PHTF2: variants seen among roughly 807,000 people sequenced by gnomAD.
PHTF2 encodes the protein protein PHTF2.
Under a neutral mutation model 101.2 loss-of-function variants are expected in PHTF2, and 60 were observed. The ratio of observed to expected loss-of-function variants is 0.59; its 90% CI spans 0.48 to 0.73. The LOEUF is 0.73. Among genes scored for constraint, PHTF2 ranks in the 30% least tolerant of loss-of-function variants. The pLI is 0.00. For synonymous variants in PHTF2, 311 were observed against 307.3 expected, an observed-to-expected ratio of 1.01 and a Z score of -0.13; for missense variants, 747 against 908.7, an observed-to-expected ratio of 0.82 and a Z score of 2.29.
chr7:77,890,599 C>CTTTTTTTTTTTTTT (rs747882978), intron 3 of PHTF2, among the ~76,000 whole-genome samples: 2 of 84,208 alleles, frequency 2.4e-5, no homozygotes, highest in African/African-American at 9.8e-5. Flanking sequence ...AATAGTTACA[C>CTTTTTTTTTTTTTT]TTTTTTTTTT....
intron 12 of PHTF2, among the ~76,000 whole-genome samples, chr7:77,937,036 TCAGGAGGCTGAGTGC>T (rs1296971082): frequency 1.3e-5 from 2 of 151,842 alleles, no homozygotes; most frequent in Non-Finnish European, 2.9e-5. Flanking sequence ...TCCGAGCTAC[TCAGGAGGCTGAGTGC>T]TTCAGTTTTG....
At position 77,910,233 on chromosome 7, in the gene PHTF2, C is replaced by T; in HGVS notation, c.612-12C>T. 3 of 1,608,384 alleles carry T rather than the reference C, an allele frequency of 1.9e-6. No homozygotes were observed. Among genetic ancestry groups the T allele is most frequent in the Non-Finnish European group, 2.5e-6 (3 of 1,177,294 alleles). On this transcript the variant is annotated splice_polypyrimidine_tract_variant and intron_variant, in intron 8 of 19. Coordinates refer to ENST00000416283, the Ensembl canonical transcript of PHTF2. ...TAAAGCTGCCTTCCATTCTTAATCT[C>T]TTCTGATGAAGGAAATTAAGAAAAG...
intron 2 of PHTF2, among the ~76,000 whole-genome samples, chr7:77,849,168 G>A (rs1796539173): frequency 6.6e-6 from 1 of 151,980 alleles, no homozygotes; most frequent in South Asian, 2.1e-4. Context: ...CTGTCGCCCA[G>A]GCTGGAATGT....
In PHTF2 at chr7:77,901,886, CT is replaced by C; in HGVS notation, c.416del (p.Phe139SerfsTer14). Reference sequence around the variant, plus strand: ...GGTTACAAGTAACATCAAAGGTCATCTTTTTCTGGCTTCTTGTCCTTTATCT... The same window carrying C: ...GGTTACAAGTAACATCAAAGGTCATCTTTTCTGGCTTCTTGTCCTTTATCT... On this transcript the variant is annotated frameshift_variant, in exon 7 of 20. Transcript: ENST00000416283. LOFTEE classifies it high-confidence loss of function. The C allele has an allele frequency of 6.3e-7, 1 of 1,596,368 alleles. No individual in the cohort carries two copies. Among genetic ancestry groups the C allele is most frequent in the Non-Finnish European group, 8.5e-7 (1 of 1,170,880 alleles).
At chr7:77,948,545 A>G (rs1401767006) in intron 16 of PHTF2, among the ~76,000 whole-genome samples, 2 of 152,212 alleles carry the variant, frequency 1.3e-5, no homozygotes, top group African/African-American at 2.4e-5. Flanking sequence ...AATGACTTAA[A>G]TAGGATTGTT....
chr7:77,956,536 G>A (rs1001276886), exon 20 of PHTF2: 1 of 152,536 alleles, frequency 6.6e-6, no homozygotes, highest in Non-Finnish European at 1.5e-5. Context: ...TTCAAGGAAT[G>A]TAATACTGGA....
intron 1 of PHTF2, among the ~76,000 whole-genome samples, chr7:77,839,877 T>C (rs1188567924): frequency 1.3e-5 from 2 of 152,200 alleles, no homozygotes; most frequent in African/African-American, 4.8e-5. Context: ...ACATTACTGA[T>C]TGAATGAATT....
At chr7:77,865,453 C>T (rs1162361751) in intron 3 of PHTF2, among the ~76,000 whole-genome samples, 1 of 152,134 alleles carries the variant, frequency 6.6e-6, no homozygotes, top group Non-Finnish European at 1.5e-5. Flanking sequence ...TCTCAAACTC[C>T]TGACCTCATG....
chr7:77,905,472 T>C (rs912400674), intron 7 of PHTF2, among the ~76,000 whole-genome samples: 1 of 151,718 alleles, frequency 6.6e-6, no homozygotes, highest in Admixed American at 6.6e-5. Flanking sequence ...CCTCAAGTAA[T>C]CCTCCCACTT....
intron 16 of PHTF2, among the ~76,000 whole-genome samples, chr7:77,943,793 G>A (rs1001950656): frequency 6.6e-6 from 1 of 151,990 alleles, no homozygotes; most frequent in Non-Finnish European, 1.5e-5. Flanking sequence ...CAAGGAGTGC[G>A]GATCACCTGA....
At chr7:77,881,489 T>G (rs896240198) in intron 3 of PHTF2, among the ~76,000 whole-genome samples, 1 of 151,952 alleles carries the variant, frequency 6.6e-6, no homozygotes, top group African/African-American at 2.4e-5. Context: ...CCATAATTCT[T>G]GGCTGTCTTA....
chr7:77,897,969 AC>A (rs201128680), intron 5 of PHTF2, among the ~76,000 whole-genome samples: 8,420 of 146,994 alleles, frequency 0.057, 354 homozygotes, highest in Non-Finnish European at 0.092. Flanking sequence ...GGCGTGAACC[AC>A]CTTACCTGGC....
intron 3 of PHTF2, among the ~76,000 whole-genome samples, chr7:77,855,520 G>GAGCCCAGCACAGTGAGCCCAC (rs1797106015): frequency 6.6e-6 from 1 of 152,194 alleles, no homozygotes; most frequent in Non-Finnish European, 1.5e-5. Context: ...CAAGTCCACT[G>GAGCCCAGCACAGTGAGCCCAC]GCTCTGAGCC....
chr7:77,922,701 C>T (rs1157684887), exon 11 of PHTF2: 6 of 1,609,568 alleles, frequency 3.7e-6, no homozygotes, highest in Middle Eastern at 1.6e-4. Context: ...CTCATTACGT[C>T]GTCATGTGGA....
At chr7:77,947,829 T>TTTTC (rs1562976161) in intron 16 of PHTF2, among the ~76,000 whole-genome samples, 2 of 116,846 alleles carry the variant, frequency 1.7e-5, no homozygotes, top group Admixed American at 9.3e-5. Flanking sequence ...CTTTTTTCTT[T>TTTTC]TTTCTTTCTT....
chr7:77,910,179 T>C, intron 8 of PHTF2, 66 bp from the exon 8 acceptor site: 1 of 1,365,508 alleles, frequency 7.3e-7, no homozygotes, highest in Non-Finnish European at 1.0e-6. Context: ...ATTTTGATTG[T>C]ACTACTGAGA....
intron 3 of PHTF2, chr7:77,854,903 G>C (rs1322350224): frequency 1.5e-6 from 1 of 688,230 alleles, no homozygotes; most frequent in Admixed American, 2.0e-5. Context: ...GCTGGGTCCA[G>C]AAATGCTGAC....
intron 16 of PHTF2, among the ~76,000 whole-genome samples, chr7:77,944,151 G>A (rs1304078069): frequency 2.6e-5 from 4 of 152,152 alleles, no homozygotes; most frequent in African/African-American, 9.7e-5. Context: ...TTAAGAATAA[G>A]CATTAATGCT....
intron 3 of PHTF2, 40 bp from the exon 3 acceptor site, chr7:77,893,568 A>G (rs1443993545): frequency 1.2e-6 from 1 of 820,870 alleles, no homozygotes; most frequent in African/African-American, 1.7e-5. Context: ...TTTGATGGGT[A>G]CCAGCAATGA....
Sources: allele counts gnomAD v4.1 joint callset (sites outside exome capture counted in the v4.1 genomes callset), GRCh38; gene constraint gnomAD v4.1.1; transcripts MANE v1.5; gene names NCBI Gene and HGNC (gene_info 2026-07-23, HGNC 2026-07-21).